Variants in SLC30A6 observed in about 807,000 individuals in gnomAD.
SLC30A6 encodes the protein solute carrier family 30 member 6, also known as zinc transporter 6.
In SLC30A6, 55 loss-of-function variants were observed where a neutral mutation model predicts 63.0. That is an observed-to-expected ratio of 0.87 (90% CI 0.70 to 1.09). SLC30A6 has a LOEUF of 1.09. Among genes scored for constraint, SLC30A6 ranks in the 50% least tolerant of loss-of-function variants. The pLI, the probability that SLC30A6 is intolerant of heterozygous loss-of-function variation, is 0.00. For missense variants in SLC30A6, 587 were observed against 549.2 expected (o/e 1.07, Z -0.69); for synonymous variants, 224 against 186.1 (o/e 1.20, Z -1.66).
intron 11 of SLC30A6, among the ~76,000 whole-genome samples, chr2:32,206,370 C>T (rs903773553): frequency 6.6e-6 from 1 of 151,664 alleles, no homozygotes; most frequent in African/African-American, 2.4e-5. Context: ...GGCTTGAACC[C>T]GGGAGGCGGA....
chr2:32,188,984 T>C (rs137931400), intron 5 of SLC30A6, among the ~76,000 whole-genome samples: 1 of 152,340 alleles, frequency 6.6e-6, no homozygotes, highest in East Asian at 1.9e-4. Context: ...TATTCCATTA[T>C]ATGAATATGT....
chr2:32,174,025 C>A, intron 2 of SLC30A6, 38 bp from the exon 3 acceptor site: 1 of 1,491,080 alleles, frequency 6.7e-7, no homozygotes, highest in South Asian at 1.2e-5. Flanking sequence ...TGAAATTTAT[C>A]ACTTCTGTAC....
Position 32,174,120 on chromosome 2 carries a change from A to G in SLC30A6, c.148A>G (p.Met50Val), listed in dbSNP as rs765807900. ...CTTGATATGTACTGGCTTCCTGCTT[A>G]TGTGGTGCAGTTCTACTAATAGTAT... ...INLICTGFLL[M>V]WCSSTNSIAL... The change falls in exon 3 of 14, where the codon ATG (methionine) becomes GTG (valine). Residue 50 changes from methionine (M) to valine (V), a missense_variant. By Grantham distance (21) the Met-to-Val change is conservative. Coordinates refer to ENST00000282587, the MANE Select transcript of SLC30A6 (RefSeq NM_017964.5). 1.9e-6 allele frequency: 3 copies of G among 1,613,656 alleles called. No individual in the cohort carries two copies. The South Asian group carries it at 3.3e-5, about 18-fold the overall frequency.
At chr2:32,198,024 T>A (rs1446744925) in intron 10 of SLC30A6, among the ~76,000 whole-genome samples, 198 bp downstream of exon 10, 1 of 152,160 alleles carries the variant, frequency 6.6e-6, no homozygotes, top group African/African-American at 2.4e-5. Flanking sequence ...TACCACAATG[T>A]ATAATGCAGA....
At chr2:32,215,516 A>ATATATATATATATATATATATATATATAT (rs757005665) in intron 13 of SLC30A6, among the ~76,000 whole-genome samples, 1 of 132,504 alleles carries the variant, frequency 7.5e-6, no homozygotes, top group African/African-American at 2.8e-5. Context: ...ATATATATAT[A>ATATATATATATATATATATATATATATAT]TTTTTTTTTT....
intron 12 of SLC30A6, 35 bp from the exon 13 acceptor site, chr2:32,209,458 A>G (rs773229848): frequency 1.3e-6 from 2 of 1,553,984 alleles, no homozygotes; most frequent in Non-Finnish European, 1.8e-6. Flanking sequence ...TGTTAAGTAC[A>G]GACAACTCTG....
intron 10 of SLC30A6, among the ~76,000 whole-genome samples, chr2:32,198,478 GTT>G (rs1683990202): frequency 6.6e-6 from 1 of 152,026 alleles, no homozygotes; most frequent in African/African-American, 2.4e-5. Context: ...CTCTGAAACT[GTT>G]TTTTCTTCTA....
chr2:32,201,240 A>C (rs748852973), intron 10 of SLC30A6, among the ~76,000 whole-genome samples: 5 of 152,194 alleles, frequency 3.3e-5, no homozygotes, highest in African/African-American at 4.8e-5. Flanking sequence ...ATGTGGGGAA[A>C]AGTAGAAAAG....
intron 4 of SLC30A6, among the ~76,000 whole-genome samples, chr2:32,176,566 G>A (rs1032053525): frequency 2.6e-5 from 4 of 151,162 alleles, no homozygotes; most frequent in Admixed American, 2.6e-4. Flanking sequence ...GCTGAGGCAG[G>A]ACAATTGCTT....
At chr2:32,220,014 T>C (rs995181448) in intron 13 of SLC30A6, among the ~76,000 whole-genome samples, 199 bp from the exon 14 acceptor site, 13 of 152,346 alleles carry the variant, frequency 8.5e-5, no homozygotes, top group African/African-American at 3.1e-4. Context: ...TTTTTTTGTA[T>C]TTTAAAGATT....
chr2:32,211,087 G>A (rs867662257), intron 13 of SLC30A6, among the ~76,000 whole-genome samples: 1 of 152,188 alleles, frequency 6.6e-6, no homozygotes, highest in Non-Finnish European at 1.5e-5. Context: ...CTGTATGTGT[G>A]TAATGAGACT....
intron 12 of SLC30A6, 54 bp downstream of exon 12, chr2:32,206,987 G>C (rs1684829620): frequency 7.2e-7 from 1 of 1,397,956 alleles, no homozygotes; most frequent in Non-Finnish European, 1.0e-6. Flanking sequence ...GAATTGAAAA[G>C]GTGGATACTT....
rs765005818 is a variant in SLC30A6 at position 32,193,984 on chromosome 2, G to A, written c.496+1G>A. On this transcript the variant is annotated splice_donor_variant, in intron 8 of 13. Coordinates refer to ENST00000282587, the MANE Select transcript of SLC30A6 (RefSeq NM_017964.5). LOFTEE classifies it high-confidence loss of function. ...AAACCTTTTGCTTATGTCTCAGAAG[G>A]TATGTTTTTTATTTACTATTAATTT... 2 of 1,606,090 alleles carry A rather than the reference G, an allele frequency of 1.2e-6. No individual in the cohort carries two copies. The highest frequency in any genetic ancestry group is 2.2e-5 in the South Asian group (2 of 89,226).
chr2:32,205,752 T>C lies in SLC30A6; in HGVS notation c.768+1060T>C, dbSNP rs1195398907. ...CGCTACACTCAGGTCACTGCAACCTTTGCTTCCTGGGTTCAAGCGATTCTC... is the reference window on the plus strand; with the variant it reads ...CGCTACACTCAGGTCACTGCAACCTCTGCTTCCTGGGTTCAAGCGATTCTC... On this transcript the variant is annotated intron_variant, in intron 11 of 13. Coordinates refer to ENST00000282587, the MANE Select transcript of SLC30A6 (RefSeq NM_017964.5). Among the ~76,000 whole-genome samples, 4 of 149,440 alleles carry C rather than the reference T, an allele frequency of 2.7e-5. No homozygotes were observed. In the Admixed American group the frequency reaches 2.7e-4, roughly 10 times the overall value.
chr2:32,184,850 TTA>T (rs1400381637), intron 5 of SLC30A6, among the ~76,000 whole-genome samples: 8 of 152,248 alleles, frequency 5.3e-5, no homozygotes, highest in African/African-American at 1.7e-4. Flanking sequence ...ATTAAGTTTT[TTA>T]TATTTTATAA....
At chr2:32,190,144 G>A (rs1226142096) in intron 5 of SLC30A6, among the ~76,000 whole-genome samples, 2 of 151,572 alleles carry the variant, frequency 1.3e-5, no homozygotes, top group Admixed American at 1.3e-4. Context: ...TCTCTTAATG[G>A]TATCTTCTGA....
At chr2:32,206,425 G>A (rs1030832050) in intron 11 of SLC30A6, among the ~76,000 whole-genome samples, 3 of 137,270 alleles carry the variant, frequency 2.2e-5, no homozygotes, top group African/African-American at 5.6e-5. Context: ...CAGCCTGGGC[G>A]ACAGAGCGAG....
At chr2:32,172,139 C>A (rs750287705) in intron 2 of SLC30A6, among the ~76,000 whole-genome samples, 6 of 152,176 alleles carry the variant, frequency 3.9e-5, no homozygotes, top group Non-Finnish European at 7.3e-5. Flanking sequence ...AAATGATAAA[C>A]TCTCTGAGGG....
chr2:32,208,704 G>A (rs577623895), intron 12 of SLC30A6, among the ~76,000 whole-genome samples: 1 of 150,430 alleles, frequency 6.6e-6, no homozygotes, highest in East Asian at 2.0e-4. Flanking sequence ...AGTAGAGACA[G>A]GGTTTCGCCA....
Sources: allele counts gnomAD v4.1 joint callset (sites outside exome capture counted in the v4.1 genomes callset), GRCh38; gene constraint gnomAD v4.1.1; transcripts MANE v1.5; gene names NCBI Gene and HGNC (gene_info 2026-07-23, HGNC 2026-07-21).